Variants in CALU observed in about 807,000 individuals in gnomAD.
CALU encodes the protein IEF SSP 9302.
A neutral mutation model predicts 37.5 loss-of-function variants in CALU; 13 were observed. The observed-to-expected ratio is 0.35, with a 90% CI of 0.23 to 0.55. The LOEUF (loss-of-function observed/expected upper bound fraction) is 0.55, where lower values mean the gene tolerates loss of function less well. Ranked by LOEUF, CALU falls within the 20% of genes least tolerant of loss-of-function variation. CALU has a pLI of 0.89. For synonymous variants in CALU, 114 were observed against 133.8 expected (o/e 0.85, Z 1.02); for missense variants, 282 against 391.7 (o/e 0.72, Z 2.36).
At chr7:128,759,701 T>C in intron 4 of CALU, 91 bp from the exon 5 acceptor site, 1 of 737,738 alleles carries the variant, frequency 1.4e-6, no homozygotes, top group Non-Finnish European at 2.5e-6. Flanking sequence ...GTTTAATGAA[T>C]AATAAATGTT....
chr7:128,742,162 G>A (rs2128876862), intron 1 of CALU, among the ~76,000 whole-genome samples: 2 of 152,318 alleles, frequency 1.3e-5, no homozygotes, highest in Admixed American at 1.3e-4. Flanking sequence ...TTATGTGATA[G>A]TCCATTGGTA....
In CALU at chr7:128,771,760, T is replaced by C. The variant is rs1801573703; in HGVS notation, c.*2593T>C. ...TACCAAACACAAGCGATTCTGAATG[T>C]ACACACACGTTTATCTATAGAGCAT... On this transcript the variant is annotated 3_prime_UTR_variant, in exon 7 of 7. Transcript: ENST00000249364. 1 of 152,264 alleles carries C rather than the reference T, an allele frequency of 6.6e-6. No individual in the cohort carries two copies. Among genetic ancestry groups the C allele is most frequent in the African/African-American group, 2.4e-5 (1 of 41,458 alleles). 9.4% of individuals were successfully genotyped at this position (152,264 alleles called of 1,614,324 possible). A position where few individuals can be genotyped will look rare whatever the true frequency, so the allele number is the denominator to read the frequency against.
At chr7:128,740,640 T>C (rs1563123854) in intron 1 of CALU, among the ~76,000 whole-genome samples, 1 of 146,698 alleles carries the variant, frequency 6.8e-6, no homozygotes, top group Non-Finnish European at 1.5e-5. Flanking sequence ...AATCTGAGGT[T>C]TTACTGTGAT....
intron 5 of CALU, among the ~76,000 whole-genome samples, chr7:128,764,741 A>G (rs1230216971): frequency 6.7e-6 from 1 of 148,684 alleles, no homozygotes; most frequent in East Asian, 2.0e-4. Flanking sequence ...TTTTTTTTTT[A>G]GTTATGGCGT....
chr7:128,751,955 G>T (rs1019413225), intron 2 of CALU, among the ~76,000 whole-genome samples: 3 of 152,072 alleles, frequency 2.0e-5, no homozygotes, highest in Non-Finnish European at 2.9e-5. Flanking sequence ...GCGTCCATAG[G>T]GTTCTCCCCT....
chr7:128,769,087 A>G lies in CALU; in HGVS notation c.868A>G (p.Ile290Val), dbSNP rs769293484. 1.9e-6 allele frequency: 3 copies of G among 1,611,874 alleles called. No homozygotes were observed. Among genetic ancestry groups the G allele is most frequent in the Non-Finnish European group, 2.5e-6 (3 of 1,178,216 alleles). Reference protein sequence around the residue: ...NKDGKLTKEEIVDKYDLFVGS... With the variant: ...NKDGKLTKEEVVDKYDLFVGS... ...GGATGGCAAGCTTACCAAGGAGGAG[A>G]TCGTTGACAAGTATGACTTATTTGT... is the stretch of plus-strand genomic sequence containing the variant. The change falls in exon 7 of 7, where the codon ATC (isoleucine) becomes GTC (valine). Residue 290 changes from isoleucine (I) to valine (V), a missense_variant. By Grantham distance (29) the Ile-to-Val change is conservative. Coordinates refer to ENST00000249364, the MANE Select transcript of CALU (RefSeq NM_001219.5).
chr7:128,745,097 AATTGT>A (rs1800380197), intron 1 of CALU, among the ~76,000 whole-genome samples: 1 of 152,170 alleles, frequency 6.6e-6, no homozygotes, highest in Non-Finnish European at 1.5e-5. Flanking sequence ...GGTTGGCAAG[AATTGT>A]TAGGGTATTA....
At chr7:128,743,551 T>A (rs1800318821) in intron 1 of CALU, among the ~76,000 whole-genome samples, 1 of 152,016 alleles carries the variant, frequency 6.6e-6, no homozygotes, top group Non-Finnish European at 1.5e-5. Context: ...AGACAGGGTC[T>A]TGTTCCCTCA....
Position 128,772,455 on chromosome 7 carries a change from A to G in CALU, c.*3288A>G, listed in dbSNP as rs569192851. The G allele has an allele frequency of 7.2e-6, 11 of 1,522,772 alleles. No homozygotes were observed. Among genetic ancestry groups the G allele is most frequent in the Non-Finnish European group, 1.0e-5 (11 of 1,102,134 alleles). 94.3% of individuals were successfully genotyped at this position (1,522,772 alleles called of 1,614,324 possible). A position where few individuals can be genotyped will look rare whatever the true frequency, so the allele number is the denominator to read the frequency against. On this transcript the variant is annotated 3_prime_UTR_variant, in exon 7 of 7. Transcript: ENST00000249364. ...TTACCATCTTTTTTGTGTTTTTAGTAGTTTGGTTTCTGACGGAGACAATAG... is the reference window on the plus strand; with the variant it reads ...TTACCATCTTTTTTGTGTTTTTAGTGGTTTGGTTTCTGACGGAGACAATAG...
chr7:128,745,136 T>C (rs1800381293), intron 1 of CALU, among the ~76,000 whole-genome samples: 2 of 152,214 alleles, frequency 1.3e-5, no homozygotes, highest in Admixed American at 1.3e-4. Context: ...TTTGAGAATG[T>C]AATCATTTGT....
intron 5 of CALU, among the ~76,000 whole-genome samples, chr7:128,760,637 G>A (rs1377678367): frequency 6.6e-6 from 1 of 152,116 alleles, no homozygotes; most frequent in African/African-American, 2.4e-5. Flanking sequence ...GGCTGGGCAC[G>A]GTGGCTCACG....
At chr7:128,745,156 CTAAAGA>C (rs1428067750) in intron 1 of CALU, among the ~76,000 whole-genome samples, 4 of 152,082 alleles carry the variant, frequency 2.6e-5, no homozygotes, top group Admixed American at 1.3e-4. Context: ...TAAAATTTTC[CTAAAGA>C]TAAAGTCCCC....
rs78496351 is a variant in CALU at position 128,760,393 on chromosome 7, G to A, written c.643+541G>A. On this transcript the variant is annotated intron_variant, in intron 5 of 6. Transcript: ENST00000249364. ...ATATGTAATTTTAACTTTTCTAATA[G>A]CCACATTAAAAAGTAAAAAGAAACA... Among the ~76,000 whole-genome samples, 16 of 152,070 alleles carry A rather than the reference G, an allele frequency of 1.1e-4. No homozygotes were observed. The East Asian group carries it at 3.1e-3, about 29-fold the overall frequency.
At chr7:128,751,626 T>C (rs1388433414) in intron 2 of CALU, among the ~76,000 whole-genome samples, 4 of 151,296 alleles carry the variant, frequency 2.6e-5, no homozygotes, top group African/African-American at 7.3e-5. Flanking sequence ...ACTAAGGAGG[T>C]TGAGATGAGA....
rs1801562249 is a variant in CALU, at chr7:128,771,483, T to C, written c.*2316T>C. ...AAAACTGTTTACATTCATTATGGGG[T>C]ATGTATGACCTTCATTTTCCAAGAA... On this transcript the variant is annotated 3_prime_UTR_variant, in exon 7 of 7. Coordinates refer to ENST00000249364, the MANE Select transcript of CALU (RefSeq NM_001219.5). 6.6e-6 allele frequency: 1 copy of C among 152,620 alleles called. No individual in the cohort carries two copies. Among genetic ancestry groups the C allele is most frequent in the Non-Finnish European group, 1.5e-5 (1 of 68,032 alleles). 9.5% of individuals were successfully genotyped at this position (152,620 alleles called of 1,614,324 possible).
intron 3 of CALU, among the ~76,000 whole-genome samples, chr7:128,755,457 G>A (rs1215113682): frequency 6.6e-6 from 1 of 152,118 alleles, no homozygotes; most frequent in Non-Finnish European, 1.5e-5. Flanking sequence ...TATAACTGGT[G>A]AGAAGTCTTA....
At chr7:128,755,076 A>G (rs1348529156) in intron 3 of CALU, among the ~76,000 whole-genome samples, 1 of 151,524 alleles carries the variant, frequency 6.6e-6, no homozygotes, top group Non-Finnish European at 1.5e-5. Flanking sequence ...ATGCTGAGGC[A>G]GGAGGATTGC....
intron 2 of CALU, among the ~76,000 whole-genome samples, chr7:128,753,073 T>A (rs1404481533): frequency 6.6e-6 from 1 of 152,266 alleles, no homozygotes; most frequent in African/African-American, 2.4e-5. Flanking sequence ...TGCTAGTTAC[T>A]TACAGGATTT....
At chr7:128,768,186 A>AGATTACTCCTG (rs1429365721) in intron 6 of CALU, among the ~76,000 whole-genome samples, 1 of 152,168 alleles carries the variant, frequency 6.6e-6, no homozygotes, top group African/African-American at 2.4e-5. Context: ...CCTGCTTCAG[A>AGATTACTCCTG]GATTACTCCT....
Sources: allele counts gnomAD v4.1 joint callset (sites outside exome capture counted in the v4.1 genomes callset), GRCh38; gene constraint gnomAD v4.1.1; transcripts MANE v1.5; gene names NCBI Gene and HGNC (gene_info 2026-07-23, HGNC 2026-07-21).